The following FURIN variants were observed in gnomAD, a reference collection of about 807,000 sequenced individuals.
FURIN encodes the protein furin, paired basic amino acid cleaving enzyme.
Under a neutral mutation model 89.2 loss-of-function variants are expected in FURIN, and 18 were observed. That is an observed-to-expected ratio of 0.20 (90% confidence interval 0.14 to 0.30). FURIN has a LOEUF of 0.30. FURIN is among the 10% of genes least tolerant of loss of function. The pLI, the probability that FURIN is intolerant of heterozygous loss-of-function variation, is 1.00. For missense variants in FURIN, 879 were observed against 1,100.5 expected, an observed-to-expected ratio of 0.80 and a Z score of 2.85; for synonymous variants, 508 against 466.4, an observed-to-expected ratio of 1.09 and a Z score of -1.15.
rs1567085428 is a variant in FURIN at position 90,881,372 on chromosome 15, T to C, written c.1879T>C (p.Tyr627His). 2 of 1,612,886 alleles carry C rather than the reference T, an allele frequency of 1.2e-6. No individual in the cohort carries two copies. Among genetic ancestry groups the C allele is most frequent in the Admixed American group, 1.7e-5 (1 of 60,016 alleles). Reference protein sequence around the residue: ...GFAPQVLDTHYSTENDVETIR... With the variant: ...GFAPQVLDTHHSTENDVETIR... Reference sequence around the variant, plus strand: ...CGCCCCCCAAGTCCTCGATACGCACTATAGCACCGAGAATGACGTGGAGAC... The same window carrying C: ...CGCCCCCCAAGTCCTCGATACGCACCATAGCACCGAGAATGACGTGGAGAC... The change falls in exon 16 of 16, where the codon TAT (tyrosine) becomes CAT (histidine). Residue 627 changes from tyrosine (Y) to histidine (H), a missense_variant. This residue lies in a region of FURIN where 457 missense variants were observed against 490.7 expected (regional missense o/e 0.93). Coordinates refer to ENST00000268171, the MANE Select transcript of FURIN (RefSeq NM_002569.4). This position sits in a 1 kb window ranked among gnomAD's most constrained non-coding sequence, Gnocchi z 4.3.
chr15:90,875,225 A>T (rs1391931262), intron 1 of FURIN, among the ~76,000 whole-genome samples: 1 of 151,954 alleles, frequency 6.6e-6, no homozygotes, highest in Non-Finnish European at 1.5e-5. Flanking sequence ...AGTAGAGACG[A>T]GGTTGCACCA....
chr15:90,871,984 C>T (rs957457645), intron 1 of FURIN, among the ~76,000 whole-genome samples: 1 of 151,548 alleles, frequency 6.6e-6, no homozygotes, highest in South Asian at 2.1e-4. Context: ...CTGCGGGGCC[C>T]CTGCTGGGGG....
At chr15:90,872,307 T>G (rs2031360600) in intron 1 of FURIN, among the ~76,000 whole-genome samples, 1 of 152,166 alleles carries the variant, frequency 6.6e-6, no homozygotes, top group African/African-American at 2.4e-5. Context: ...AGGGGCGGCC[T>G]GCTTGCCAGA....
At position 90,881,927 on chromosome 15, in the gene FURIN, T is replaced by G; in HGVS notation, c.*49T>G. 7.8e-7 allele frequency: 1 copy of G among 1,287,158 alleles called. No homozygotes were observed. The highest frequency in any genetic ancestry group is 1.1e-6 in the Non-Finnish European group (1 of 914,150). 79.7% of individuals were successfully genotyped at this position (1,287,158 alleles called of 1,614,324 possible). A position where few individuals can be genotyped will look rare whatever the true frequency, so the allele number is the denominator to read the frequency against. On this transcript the variant is annotated 3_prime_UTR_variant, in exon 16 of 16. Transcript: ENST00000268171. The surrounding 1 kb of genome is among the most constrained non-coding windows in gnomAD (Gnocchi z 4.3). ...AGCCAATCCCCTCCTTGGGCACTTT[T>G]TAATTCACCAAAGTATTTTTTTATC...
At chr15:90,880,560 C>T (rs1189197805) in intron 13 of FURIN, 131 bp from the exon 14 acceptor site, 5 of 1,012,922 alleles carry the variant, frequency 4.9e-6, no homozygotes, top group African/African-American at 4.9e-5. Context: ...ACAGCCAAGC[C>T]AGCAGGCACT....
Position 90,881,535 on chromosome 15 carries a change from G to A in FURIN, c.2042G>A (p.Ser681Asn). The A allele has an allele frequency of 6.2e-7, 1 of 1,611,392 alleles. No individual in the cohort carries two copies. Among genetic ancestry groups the A allele is most frequent in the Non-Finnish European group, 8.5e-7 (1 of 1,179,538 alleles). Reference sequence around the variant, plus strand: ...CAGACTTGCTCCCGGCAAAGCCAGAGCAGCCGAGAGTCCCCGCCACAGCAG... The same window carrying A: ...CAGACTTGCTCCCGGCAAAGCCAGAACAGCCGAGAGTCCCCGCCACAGCAG... The part of the protein sequence containing the change: ...VEQTCSRQSQ[S>N]SRESPPQQQP... Residue 681 changes from serine (S) to asparagine (N), a missense_variant, in exon 16 of 16, where the codon AGC becomes AAC. Physicochemically the swap from Ser to Asn is conservative, Grantham distance 46. Around this residue, in one of 5 missense-constraint regions of FURIN, gnomAD observed 457 missense variants for 490.7 expected, o/e 0.93. Coordinates refer to ENST00000268171, the MANE Select transcript of FURIN (RefSeq NM_002569.4). The surrounding 1 kb of genome is among the most constrained non-coding windows in gnomAD (Gnocchi z 4.3).
chr15:90,879,785 G>A lies in FURIN; in HGVS notation c.1258+11G>A. ...GTGTGGGCCGGAAAGGTGAGGGCAG[G>A]CTGGCCCGGCAGGCTGGATGTGGAG... On this transcript the variant is annotated intron_variant, in intron 11 of 15. Coordinates refer to ENST00000268171, the MANE Select transcript of FURIN (RefSeq NM_002569.4). 1 of 1,611,928 alleles carries A rather than the reference G, an allele frequency of 6.2e-7. No homozygotes were observed. The highest frequency in any genetic ancestry group is 1.7e-5 in the Admixed American group (1 of 60,032).
chr15:90,882,281 C>T lies in FURIN; in HGVS notation c.*403C>T, dbSNP rs1366078389. ...CCCATCCAGGCAGTCGGGGGCTGGCCTAGGAGATATCTGAGGGAGGAGGCC... is the reference window on the plus strand; with the variant it reads ...CCCATCCAGGCAGTCGGGGGCTGGCTTAGGAGATATCTGAGGGAGGAGGCC... On this transcript the variant is annotated 3_prime_UTR_variant, in exon 16 of 16. Coordinates refer to ENST00000268171, the MANE Select transcript of FURIN (RefSeq NM_002569.4). 2 of 204,286 alleles carry T rather than the reference C, an allele frequency of 9.8e-6. No individual in the cohort carries two copies. Among genetic ancestry groups the T allele is most frequent in the African/African-American group, 4.8e-5 (2 of 42,036 alleles). 12.7% of individuals were successfully genotyped at this position (204,286 alleles called of 1,614,324 possible). A position where few individuals can be genotyped will look rare whatever the true frequency, so the allele number is the denominator to read the frequency against.
chr15:90,880,793 C>T lies in FURIN; in HGVS notation c.1659C>T (p.Asn553=), dbSNP rs151122781. ...GCGAGTGGGTCCTAGAGATTGAAAACACCAGCGAAGCCAACAACTATGGTA... is the reference window on the plus strand; with the variant it reads ...GCGAGTGGGTCCTAGAGATTGAAAATACCAGCGAAGCCAACAACTATGGTA... The part of the protein sequence containing the change: ...PSGEWVLEIE[N]TSEANNYGTL... The change falls in exon 14 of 16, where the codon AAC becomes AAT. Residue 553 remains asparagine, a synonymous_variant. Coordinates refer to ENST00000268171, the MANE Select transcript of FURIN (RefSeq NM_002569.4). 8 of 1,613,538 alleles carry T rather than the reference C, an allele frequency of 5.0e-6. No homozygotes were observed. The highest frequency in any genetic ancestry group is 5.9e-6 in the Non-Finnish European group (7 of 1,179,792).
chr15:90,880,609 T>C, intron 13 of FURIN, 82 bp from the exon 14 acceptor site: 5 of 1,466,416 alleles, frequency 3.4e-6, no homozygotes, highest in Non-Finnish European at 4.6e-6. Flanking sequence ...GGGAAGGGTG[T>C]GTGGCCCATG....
chr15:90,879,449 G>A lies in FURIN; in HGVS notation c.1059G>A (p.Thr353=), dbSNP rs766130318. Residue 353 remains threonine (T), a synonymous_variant, in exon 10 of 16, where the codon ACG becomes ACA. Coordinates refer to ENST00000268171, the MANE Select transcript of FURIN (RefSeq NM_002569.4). ...SGNQNEKQIV[T]TDLRQKCTES... ...TATGATTCTCTTCCTGGCAGGTGAC[G>A]ACTGACTTGCGGCAGAAGTGCACGG... 1.1e-5 allele frequency: 18 copies of A among 1,611,250 alleles called. No homozygotes were observed. The highest frequency in any genetic ancestry group is 6.7e-5 in the African/African-American group (5 of 74,846).
In FURIN at chr15:90,879,655, C is replaced by T. The variant is rs1198500878; in HGVS notation, c.1155-16C>T. The T allele has an allele frequency of 7.5e-6, 12 of 1,607,050 alleles. No individual in the cohort carries two copies. Among genetic ancestry groups the T allele is most frequent in the South Asian group, 3.3e-5 (3 of 90,926 alleles). On this transcript the variant is annotated splice_polypyrimidine_tract_variant and intron_variant, in intron 10 of 15. Coordinates refer to ENST00000268171, the MANE Select transcript of FURIN (RefSeq NM_002569.4). ...AAAAAAGACTGATCCCCAGCCTCTC[C>T]CTTCCTTCTTTGCAGTAAGAACCTC...
Position 90,876,117 on chromosome 15 carries a change from T to A in FURIN, c.178-138T>A. 1 of 779,696 alleles carries A rather than the reference T, an allele frequency of 1.3e-6. No homozygotes were observed. Among genetic ancestry groups the A allele is most frequent in the Admixed American group, 2.0e-5 (1 of 50,804 alleles). 48.3% of individuals were successfully genotyped at this position (779,696 alleles called of 1,614,324 possible). On this transcript the variant is annotated intron_variant, in intron 2 of 15. Coordinates refer to ENST00000268171, the MANE Select transcript of FURIN (RefSeq NM_002569.4). The surrounding 1 kb of genome is among the most constrained non-coding windows in gnomAD (Gnocchi z 5.0). ...AGTCCTCATGGTCCCCGCATTTTGCTGGGTCCCGGACAGGGAGCAGATGCC... is the reference window on the plus strand; with the variant it reads ...AGTCCTCATGGTCCCCGCATTTTGCAGGGTCCCGGACAGGGAGCAGATGCC...
Position 90,876,372 on chromosome 15 carries a change from CCCT to C in FURIN, c.276+23_276+25del. 1 of 1,570,260 alleles carries C rather than the reference CCCT, an allele frequency of 6.4e-7. No individual in the cohort carries two copies. Among genetic ancestry groups the C allele is most frequent in the South Asian group, 1.1e-5 (1 of 90,260 alleles). ...GCCTCAAGTGAGTGTGGCCCCAGCC[CCCT>C]CCTGCTGCCACCCTCCCCCTCCTGC... On this transcript the variant is annotated intron_variant, in intron 3 of 15. Transcript: ENST00000268171. This position sits in a 1 kb window ranked among gnomAD's most constrained non-coding sequence, Gnocchi z 5.0.
At position 90,880,222 on chromosome 15, in the gene FURIN, C is replaced by A. The variant is rs750128962; in HGVS notation, c.1505C>A (p.Ala502Asp). 6.2e-7 allele frequency: 1 copy of A among 1,612,144 alleles called. No homozygotes were observed. Among genetic ancestry groups the A allele is most frequent in the Admixed American group, 1.7e-5 (1 of 59,944 alleles). Residue 502 changes from alanine to aspartate, a missense_variant, in exon 13 of 16, where the codon GCC becomes GAC. By Grantham distance (126) the Ala-to-Asp change is moderately radical. Coordinates refer to ENST00000268171, the MANE Select transcript of FURIN (RefSeq NM_002569.4). The stretch of plus-strand genomic sequence containing the variant: ...TCCTATAATCGCCGTGGCGACCTGG[C>A]CATCCACCTGGTCAGCCCCATGGGC... ...TLSYNRRGDL[A>D]IHLVSPMGTR...
rs1266914541 is a variant in FURIN at position 90,881,156 on chromosome 15, C to G, written c.1792+116C>G. 4.6e-6 allele frequency: 5 copies of G among 1,091,086 alleles called. No individual in the cohort carries two copies. The Admixed American group carries it at 6.2e-5, about 13-fold the overall frequency. 67.6% of individuals were successfully genotyped at this position (1,091,086 alleles called of 1,614,324 possible). ...CTCAAGAGACCTAGGGCCCCTGGGG[C>G]TCTTGGGATGACCACAGTCCTGGGG... On this transcript the variant is annotated intron_variant, in intron 15 of 15. Coordinates refer to ENST00000268171, the MANE Select transcript of FURIN (RefSeq NM_002569.4). The surrounding 1 kb of genome is among the most constrained non-coding windows in gnomAD (Gnocchi z 4.3).
intron 1 of FURIN, among the ~76,000 whole-genome samples, chr15:90,875,255 G>A (rs1406938314): frequency 6.6e-6 from 1 of 152,024 alleles, no homozygotes; most frequent in South Asian, 2.1e-4. Flanking sequence ...GGCTGGCCTC[G>A]AACTCCTGAC....
chr15:90,879,249 G>A (rs2031804766), intron 9 of FURIN, among the ~76,000 whole-genome samples, 195 bp from the exon 10 acceptor site: 1 of 152,196 alleles, frequency 6.6e-6, no homozygotes, highest in Admixed American at 6.5e-5. Context: ...TTTGGAAAAT[G>A]AGGCCCAGGA....
chr15:90,878,342 G>T, intron 8 of FURIN, 38 bp downstream of exon 8: 1 of 1,508,074 alleles, frequency 6.6e-7, no homozygotes, highest in East Asian at 2.3e-5. Flanking sequence ...CGGGCAGGTT[G>T]GGTGCTGTCT....
Sources: allele counts gnomAD v4.1 joint callset (sites outside exome capture counted in the v4.1 genomes callset), GRCh38; gene constraint gnomAD v4.1.1; regional missense constraint gnomAD v4.1.1; non-coding constraint Gnocchi (gnomAD v3.1); transcripts MANE v1.5; gene names NCBI Gene and HGNC (gene_info 2026-07-23, HGNC 2026-07-21).